Variants in DENND6A observed in about 807,000 individuals in gnomAD.
DENND6A encodes the protein DENN domain containing 6A.
Under a neutral mutation model 95.5 loss-of-function variants are expected in DENND6A, and 43 were observed. That is an observed-to-expected ratio of 0.45 (90% confidence interval 0.35 to 0.58). The LOEUF (loss-of-function observed/expected upper bound fraction) is 0.58, where lower values mean the gene tolerates loss of function less well. Ranked by LOEUF, DENND6A falls within the 20% of genes least tolerant of loss-of-function variation. The probability of loss-of-function intolerance (pLI) is 0.00; values close to 1 mark genes in which losing one functional copy is unlikely to be tolerated. For synonymous variants in DENND6A, 257 were observed against 260.4 expected, an observed-to-expected ratio of 0.99 and a Z score of 0.13; for missense variants, 574 against 736.0, an observed-to-expected ratio of 0.78 and a Z score of 2.55.
intron 3 of DENND6A, among the ~76,000 whole-genome samples, chr3:57,671,402 C>T (rs576146012): frequency 1.2e-3 from 180 of 151,900 alleles, no homozygotes; most frequent in Non-Finnish European, 2.0e-3. Flanking sequence ...TGGTGGCAGG[C>T]GCCTGTGGTC....
chr3:57,678,335 C>T lies in DENND6A; in HGVS notation c.238-5897G>A, dbSNP rs2077127892. On this transcript the variant is annotated intron_variant, in intron 1 of 19. Transcript: ENST00000311128. ...ATTTTCTTCTGAGAAACACGTTCTT[C>T]AAGACCCATAAAGAGTACCTCACAC... Among the ~76,000 whole-genome samples, 3 of 152,216 alleles carry T rather than the reference C, an allele frequency of 2.0e-5. No individual in the cohort carries two copies. In the South Asian group the frequency reaches 6.2e-4, roughly 31 times the overall value.
At chr3:57,678,108 A>G (rs1457540703) in intron 1 of DENND6A, among the ~76,000 whole-genome samples, 1 of 152,236 alleles carries the variant, frequency 6.6e-6, no homozygotes. Context: ...TTTTAAAAAA[A>G]AGAACTTTCT....
intron 9 of DENND6A, chr3:57,654,715 T>C (rs2071287906): frequency 7.1e-6 from 7 of 985,056 alleles, no homozygotes; most frequent in Admixed American, 6.1e-5. Flanking sequence ...GCGTGGTCCA[T>C]GGAATAGACC....
chr3:57,642,449 G>A (rs1421913964), intron 11 of DENND6A, among the ~76,000 whole-genome samples: 6 of 151,986 alleles, frequency 3.9e-5, no homozygotes, highest in South Asian at 2.1e-4. Context: ...TTTGCCAAGT[G>A]GATGAGAGAG....
In DENND6A at chr3:57,692,645, G is replaced by C; in HGVS notation, c.237+137C>G. 7.9e-6 allele frequency: 6 copies of C among 755,918 alleles called. No individual in the cohort carries two copies. In the South Asian group the frequency reaches 1.2e-4, roughly 15 times the overall value. The allele number at this position is 755,918 out of a possible 1,614,324, so 46.8% of individuals were successfully genotyped here. On this transcript the variant is annotated intron_variant, in intron 1 of 19. Transcript: ENST00000311128. Reference sequence around the variant, plus strand: ...TGCCGTAGGACCGCAGCCCGAAAGAGCGCGGGAGGGGAGACTGGCCACGCC... The same window carrying C: ...TGCCGTAGGACCGCAGCCCGAAAGACCGCGGGAGGGGAGACTGGCCACGCC...
At chr3:57,629,801 C>T (rs568851519) in intron 18 of DENND6A, among the ~76,000 whole-genome samples, 25 of 151,952 alleles carry the variant, frequency 1.6e-4, no homozygotes, top group African/African-American at 5.3e-4. Flanking sequence ...GGATTACAGG[C>T]GTGAGCCACT....
At chr3:57,677,424 T>TTTC in intron 1 of DENND6A, among the ~76,000 whole-genome samples, 1 of 135,416 alleles carries the variant, frequency 7.4e-6, no homozygotes, top group Non-Finnish European at 1.6e-5. Flanking sequence ...TTGTCCTTTT[T>TTTC]TTTTTTTTTT....
chr3:57,691,937 A>G (rs1001670485), intron 1 of DENND6A, among the ~76,000 whole-genome samples: 3 of 151,778 alleles, frequency 2.0e-5, no homozygotes, highest in African/African-American at 7.3e-5. Context: ...ATAAAAAAAA[A>G]TAACAGAAAT....
chr3:57,647,790 C>A (rs1047255052), intron 9 of DENND6A, among the ~76,000 whole-genome samples: 1 of 151,028 alleles, frequency 6.6e-6, no homozygotes, highest in African/African-American at 2.4e-5. Flanking sequence ...GAAGATGGCA[C>A]CCACCTGGAG....
intron 1 of DENND6A, among the ~76,000 whole-genome samples, chr3:57,675,742 C>G (rs1479979459): frequency 6.6e-6 from 1 of 152,184 alleles, no homozygotes; most frequent in African/African-American, 2.4e-5. Flanking sequence ...CAACCAAACT[C>G]TATGTTATAA....
chr3:57,690,157 C>CA (rs1312284256), intron 1 of DENND6A, among the ~76,000 whole-genome samples: 2 of 149,422 alleles, frequency 1.3e-5, no homozygotes, highest in African/African-American at 5.0e-5. Context: ...CCAGCCTGGC[C>CA]AACATGGTGA....
chr3:57,671,769 GT>G (rs985712959), intron 3 of DENND6A, among the ~76,000 whole-genome samples: 9 of 152,046 alleles, frequency 5.9e-5, no homozygotes, highest in African/African-American at 1.2e-4. Flanking sequence ...ACCCTTGTAT[GT>G]TTTTTTCTAT....
chr3:57,673,213 C>CAAAAAAAAAAAAAAAA (rs386396751), intron 1 of DENND6A, among the ~76,000 whole-genome samples: 2 of 70,712 alleles, frequency 2.8e-5, no homozygotes, highest in African/African-American at 1.4e-4. Context: ...CATTTCGTAT[C>CAAAAAAAAAAAAAAAA]AAAAAAAAAA....
intron 9 of DENND6A, among the ~76,000 whole-genome samples, chr3:57,651,608 A>T (rs1039969555): frequency 6.6e-6 from 1 of 152,164 alleles, no homozygotes; most frequent in Non-Finnish European, 1.5e-5. Flanking sequence ...CTTTGTGAAT[A>T]TATTAAAAAA....
intron 9 of DENND6A, among the ~76,000 whole-genome samples, chr3:57,649,913 GTA>G (rs200171075): frequency 1.5e-3 from 171 of 115,890 alleles, no homozygotes; most frequent in African/African-American, 5.8e-3. Flanking sequence ...CTGACTCTCT[GTA>G]TATATATACA....
intron 18 of DENND6A, 111 bp downstream of exon 18, chr3:57,630,307 GTCA>G (rs113934842): frequency 1.9e-5 from 17 of 906,268 alleles, no homozygotes; most frequent in African/African-American, 1.4e-4. Context: ...AGAAAAGTTA[GTCA>G]TCATTACTAT....
chr3:57,663,608 T>G, intron 5 of DENND6A, 28 bp downstream of exon 5: 1 of 1,473,728 alleles, frequency 6.8e-7, no homozygotes, highest in Non-Finnish European at 9.2e-7. Flanking sequence ...TAAAAAATAC[T>G]TTTTTTATTA....
At chr3:57,680,100 T>C (rs2077149512) in intron 1 of DENND6A, among the ~76,000 whole-genome samples, 1 of 152,080 alleles carries the variant, frequency 6.6e-6, no homozygotes, top group Admixed American at 6.6e-5. Context: ...AAATAAAGTT[T>C]AAAAAAATAA....
intron 12 of DENND6A, among the ~76,000 whole-genome samples, chr3:57,640,289 A>C (rs1274912936): frequency 2.7e-5 from 4 of 148,140 alleles, no homozygotes; most frequent in African/African-American, 7.5e-5. Flanking sequence ...AACAAAAAAA[A>C]ACAAAAAACA....
Sources: allele counts gnomAD v4.1 joint callset (sites outside exome capture counted in the v4.1 genomes callset), GRCh38; gene constraint gnomAD v4.1.1; transcripts MANE v1.5; gene names NCBI Gene and HGNC (gene_info 2026-07-23, HGNC 2026-07-21).